Variants in IGFL2 observed in about 807,000 individuals in gnomAD.
The protein encoded by IGFL2 is IGF like family member 2, also known as insulin growth factor-like family member 2.
In IGFL2, 7 loss-of-function variants were observed where a neutral mutation model predicts 13.9. The observed-to-expected ratio is 0.51, with a 90% CI of 0.29 to 0.95. The LOEUF (loss-of-function observed/expected upper bound fraction) is 0.95. IGFL2 is among the 40% of genes least tolerant of loss of function. The pLI is 0.08. For missense variants in IGFL2, 138 were observed against 147.8 expected (o/e 0.93, Z 0.34); for synonymous variants, 55 against 55.8 (o/e 0.99, Z 0.07).
Position 46,153,843 on chromosome 19 carries a change from T to A in IGFL2, c.19+5546T>A, listed in dbSNP as rs906166347. Among the ~76,000 whole-genome samples the A allele has an allele frequency of 1.9e-4, 28 of 149,082 alleles. No individual in the cohort carries two copies. The South Asian group carries it at 2.7e-3, about 15-fold the overall frequency. ...TATATATATATATATATATATATTT[T>A]TTTTACTTTAAGTTCTGGGATTCAT... is the stretch of plus-strand genomic sequence containing the variant. On this transcript the variant is annotated intron_variant, in intron 1 of 3. Transcript: ENST00000377693.
the IGFL2 span, among the ~76,000 whole-genome samples, chr19:46,183,095 A>C: frequency 6.6e-6 from 1 of 152,166 alleles, no homozygotes; most frequent in Non-Finnish European, 1.5e-5. Context: ...AGGCCTCGGG[A>C]AACTCGACTT....
intron 1 of IGFL2, among the ~76,000 whole-genome samples, chr19:46,152,235 A>G (rs1486040336): frequency 6.9e-6 from 1 of 145,144 alleles, no homozygotes; most frequent in East Asian, 2.0e-4. Context: ...GAATTTTTCT[A>G]TTAGTCTTTA....
chr19:46,137,497 C>T, the IGFL2 span: 6 of 1,147,298 alleles, frequency 5.2e-6, no homozygotes, highest in Middle Eastern at 6.0e-4. Flanking sequence ...TGCCCCTTCT[C>T]CTTCTCTTGC....
the IGFL2 span, chr19:46,112,916 A>G: frequency 2.0e-5 from 3 of 152,264 alleles, no homozygotes; most frequent in Admixed American, 1.3e-4. Flanking sequence ...ATGTTAGGAA[A>G]GAGGTCAATT....
the IGFL2 span, among the ~76,000 whole-genome samples, chr19:46,098,245 C>T: frequency 2.1e-4 from 32 of 152,288 alleles, no homozygotes; most frequent in Non-Finnish European, 3.5e-4. Context: ...GATCCCTTTA[C>T]GATTATGTAA....
the IGFL2 span, among the ~76,000 whole-genome samples, chr19:46,103,760 C>T: frequency 6.6e-5 from 10 of 151,964 alleles, no homozygotes; most frequent in Middle Eastern, 0.014. Context: ...AGGGTAAGGA[C>T]GAAGAGACCT....
At chr19:46,115,195 C>T in the IGFL2 span, among the ~76,000 whole-genome samples, 5 of 152,160 alleles carry the variant, frequency 3.3e-5, no homozygotes, top group Non-Finnish European at 5.9e-5. Flanking sequence ...TCAAAAGGTC[C>T]TTTTGCCTAC....
the IGFL2 span, chr19:46,181,463 A>G: frequency 5.3e-5 from 8 of 152,318 alleles, no homozygotes; most frequent in Admixed American, 2.0e-4. Flanking sequence ...GTCACATAAC[A>G]GGGGGTTGCA....
chr19:46,183,928 C>T, the IGFL2 span, among the ~76,000 whole-genome samples: 4 of 152,150 alleles, frequency 2.6e-5, no homozygotes, highest in African/African-American at 7.2e-5. Context: ...TTTCTCCAGC[C>T]TTCTAGGTTT....
At chr19:46,128,717 C>T in the IGFL2 span, among the ~76,000 whole-genome samples, 2 of 152,136 alleles carry the variant, frequency 1.3e-5, no homozygotes, top group Admixed American at 6.5e-5. Context: ...GGTGGATTAG[C>T]TTTTCATGTG....
At chr19:46,214,878 AACAC>A in the IGFL2 span, 2 of 141,882 alleles carry the variant, frequency 1.4e-5, 1 homozygote, top group African/African-American at 5.2e-5. Flanking sequence ...AACAGAAGCA[AACAC>A]ACGCGTGCGC....
chr19:46,127,553 G>A, the IGFL2 span, among the ~76,000 whole-genome samples: 1 of 152,122 alleles, frequency 6.6e-6, no homozygotes, highest in Admixed American at 6.5e-5. Context: ...CTGATTTAAT[G>A]AAAATTATCA....
the IGFL2 span, chr19:46,206,842 A>C: frequency 2.0e-5 from 3 of 152,200 alleles, no homozygotes; most frequent in Non-Finnish European, 4.4e-5. Flanking sequence ...AGAATGAGAA[A>C]TGGGGTCGGG....
the IGFL2 span, chr19:46,190,362 GTC>G: frequency 6.6e-6 from 1 of 152,174 alleles, no homozygotes; most frequent in African/African-American, 2.4e-5. Flanking sequence ...CCTCCATGTG[GTC>G]TCTCACCCTC....
the IGFL2 span, chr19:46,136,734 T>C: frequency 3.6e-6 from 2 of 552,358 alleles, no homozygotes; most frequent in Admixed American, 2.0e-5. Context: ...ACTGTTTTGC[T>C]TGAAAATGGG....
At chr19:46,100,840 C>A in the IGFL2 span, among the ~76,000 whole-genome samples, 30 of 151,894 alleles carry the variant, frequency 2.0e-4, no homozygotes, top group African/African-American at 7.2e-4. Flanking sequence ...TTTTTTCATT[C>A]ATTCTTTCTC....
At chr19:46,136,642 T>C in the IGFL2 span, 1 of 409,412 alleles carries the variant, frequency 2.4e-6, no homozygotes, top group African/African-American at 2.1e-5. Context: ...AGCAATCCCA[T>C]GTGCAGATAT....
the IGFL2 span, among the ~76,000 whole-genome samples, chr19:46,110,167 T>C: frequency 6.6e-6 from 1 of 152,248 alleles, no homozygotes; most frequent in Non-Finnish European, 1.5e-5. Context: ...ACCTGAGTTA[T>C]GAACCTGTCA....
At chr19:46,149,801 C>T (rs11083803) in intron 1 of IGFL2, among the ~76,000 whole-genome samples, 63,497 of 151,952 alleles carry the variant, frequency 0.42, 15,495 homozygotes, top group Non-Finnish European at 0.57. Context: ...TGGGCTGTTT[C>T]CACCATTTGG....
Sources: gnomAD v4.1 joint callset for allele counts (sites outside exome capture counted in the v4.1 genomes callset) on GRCh38, gnomAD v4.1.1 for gene constraint, MANE v1.5 for transcripts, NCBI Gene and HGNC (gene_info 2026-07-23, HGNC 2026-07-21) for gene names.